TLL2: variants seen among roughly 807,000 people sequenced by gnomAD.
TLL2 encodes the protein tolloid like 2.
Under a neutral mutation model 123.0 loss-of-function variants are expected in TLL2, and 106 were observed. That is an observed-to-expected ratio of 0.86 (90% CI 0.74 to 1.01). The LOEUF (loss-of-function observed/expected upper bound fraction) is 1.01. Ranked by LOEUF, TLL2 falls within the 50% of genes least tolerant of loss-of-function variation. TLL2 has a pLI of 0.00. For synonymous variants in TLL2, 494 were observed against 516.8 expected, an observed-to-expected ratio of 0.96 and a Z score of 0.60; for missense variants, 1,332 against 1,336.7, an observed-to-expected ratio of 1.00 and a Z score of 0.06.
intron 16 of TLL2, 64 bp downstream of exon 16, chr10:96,384,523 G>C (rs1589407556): frequency 6.9e-7 from 1 of 1,442,236 alleles, no homozygotes; most frequent in East Asian, 2.6e-5. Context: ...AGGGACCCCA[G>C]AGCCTGGAGT....
chr10:96,498,182 A>T (rs888007613), intron 1 of TLL2, among the ~76,000 whole-genome samples: 1 of 152,220 alleles, frequency 6.6e-6, no homozygotes, highest in East Asian at 1.9e-4. Context: ...CATTCTGAAG[A>T]CAATGGCCAT....
chr10:96,389,429 C>T (rs1487412266), intron 13 of TLL2, among the ~76,000 whole-genome samples: 5 of 151,992 alleles, frequency 3.3e-5, no homozygotes, highest in Non-Finnish European at 7.4e-5. Flanking sequence ...CATACCTGGA[C>T]CAGGTGGGAG....
chr10:96,386,592 A>C (rs2134058282), intron 14 of TLL2, among the ~76,000 whole-genome samples: 1 of 152,374 alleles, frequency 6.6e-6, no homozygotes, highest in South Asian at 2.1e-4. Context: ...GATGGAACAC[A>C]AGCCAGGTAG....
intron 13 of TLL2, among the ~76,000 whole-genome samples, chr10:96,394,040 G>A (rs1923698): frequency 1.3e-5 from 2 of 152,140 alleles, no homozygotes; most frequent in Non-Finnish European, 2.9e-5. Context: ...CTGGGTGACA[G>A]TGCAGAAGTG....
chr10:96,476,549 A>G (rs1847254096), intron 2 of TLL2, among the ~76,000 whole-genome samples: 2 of 151,702 alleles, frequency 1.3e-5, no homozygotes, highest in Admixed American at 1.3e-4. Flanking sequence ...GGTGTGAGTC[A>G]CCGCACCTGG....
chr10:96,495,361 G>T (rs1847461183), intron 1 of TLL2, among the ~76,000 whole-genome samples: 1 of 152,098 alleles, frequency 6.6e-6, no homozygotes, highest in Non-Finnish European at 1.5e-5. Context: ...GTGAATCTTT[G>T]TCAAGGGAGT....
intron 10 of TLL2, among the ~76,000 whole-genome samples, chr10:96,400,461 T>C (rs1425258867): frequency 6.6e-6 from 1 of 151,878 alleles, no homozygotes; most frequent in Non-Finnish European, 1.5e-5. Flanking sequence ...TCTCTAGTAA[T>C]GTAGATGTCA....
At chr10:96,452,765 A>G (rs1846974033) in intron 2 of TLL2, among the ~76,000 whole-genome samples, 1 of 152,234 alleles carries the variant, frequency 6.6e-6, no homozygotes, top group South Asian at 2.1e-4. Flanking sequence ...TGAATGAATG[A>G]ATGAAACATC....
chr10:96,420,704 C>T (rs936312773), intron 7 of TLL2, among the ~76,000 whole-genome samples: 1 of 152,214 alleles, frequency 6.6e-6, no homozygotes, highest in Non-Finnish European at 1.5e-5. Flanking sequence ...GATAATTTCC[C>T]TTTTCCAGTT....
At chr10:96,490,327 A>C (rs1847399524) in intron 1 of TLL2, among the ~76,000 whole-genome samples, 1 of 152,214 alleles carries the variant, frequency 6.6e-6, no homozygotes, top group Admixed American at 6.5e-5. Flanking sequence ...TTTTTTTATT[A>C]CTGGCAAGAT....
intron 14 of TLL2, among the ~76,000 whole-genome samples, chr10:96,386,535 A>G (rs1743981025): frequency 6.6e-6 from 1 of 152,218 alleles, no homozygotes; most frequent in Non-Finnish European, 1.5e-5. Flanking sequence ...GCTACTCACC[A>G]TACCAAGCTT....
intron 9 of TLL2, among the ~76,000 whole-genome samples, chr10:96,407,110 C>A (rs1217313187): frequency 2.0e-5 from 3 of 152,046 alleles, no homozygotes; most frequent in African/African-American, 7.3e-5. Flanking sequence ...ATCATGTTGA[C>A]CAAACCCCTC....
At chr10:96,420,167 G>A (rs1846605079) in intron 7 of TLL2, among the ~76,000 whole-genome samples, 1 of 152,186 alleles carries the variant, frequency 6.6e-6, no homozygotes, top group Non-Finnish European at 1.5e-5. Flanking sequence ...GGAGACTGAA[G>A]AGAAAGTACC....
intron 2 of TLL2, among the ~76,000 whole-genome samples, chr10:96,472,696 A>T (rs1480863798): frequency 1.3e-5 from 2 of 152,024 alleles, no homozygotes; most frequent in African/African-American, 4.8e-5. Flanking sequence ...CAGGAGGTTG[A>T]GGCTGCAGTG....
intron 1 of TLL2, among the ~76,000 whole-genome samples, chr10:96,485,987 G>T (rs974325634): frequency 2.0e-5 from 3 of 152,142 alleles, no homozygotes; most frequent in Non-Finnish European, 4.4e-5. Flanking sequence ...CAGGGGGTGG[G>T]AGAAGGGAAC....
chr10:96,378,897 C>G (rs1846160896), intron 17 of TLL2, 70 bp downstream of exon 17: 1 of 1,592,888 alleles, frequency 6.3e-7, no homozygotes. Flanking sequence ...TACTCATGCA[C>G]ATGCACACAG....
chr10:96,389,301 G>C (rs1005169070), intron 13 of TLL2, among the ~76,000 whole-genome samples: 37 of 152,256 alleles, frequency 2.4e-4, no homozygotes, highest in African/African-American at 8.9e-4. Flanking sequence ...GAAGTACCCG[G>C]CATACAGACC....
At chr10:96,487,877 T>A (rs967682464) in intron 1 of TLL2, among the ~76,000 whole-genome samples, 1 of 152,106 alleles carries the variant, frequency 6.6e-6, no homozygotes, top group African/African-American at 2.4e-5. Flanking sequence ...CAGGCTCCCA[T>A]GTACATTTCA....
intron 8 of TLL2, among the ~76,000 whole-genome samples, chr10:96,411,596 G>A (rs1360155720): frequency 5.9e-5 from 9 of 152,194 alleles, no homozygotes; most frequent in Admixed American, 5.9e-4. Context: ...TACAGGTTTT[G>A]TATTTCTCTA....
Sources: allele counts gnomAD v4.1 joint callset (sites outside exome capture counted in the v4.1 genomes callset), GRCh38; gene constraint gnomAD v4.1.1; transcripts MANE v1.5; gene names NCBI Gene and HGNC (gene_info 2026-07-23, HGNC 2026-07-21).